MCPH1: variants seen among roughly 807,000 people sequenced by gnomAD.
MCPH1 encodes microcephalin.
MCPH1 carries 104 observed loss-of-function variants against 84.5 expected under a neutral mutation model. The observed-to-expected ratio is 1.23, with a 90% CI of 1.05 to 1.45. MCPH1 has a LOEUF of 1.45. Among genes scored for constraint, MCPH1 ranks in the 40% most tolerant of loss-of-function variants. The pLI, the probability that MCPH1 is intolerant of heterozygous loss-of-function variation, is 0.00. For missense variants in MCPH1, 1,498 were observed against 1,005.7 expected, an observed-to-expected ratio of 1.49 and a Z score of -6.62; for synonymous variants, 514 against 366.8, an observed-to-expected ratio of 1.40 and a Z score of -4.58.
intron 9 of MCPH1, among the ~76,000 whole-genome samples, chr8:6,459,668 T>C (rs1291502180): frequency 6.6e-6 from 1 of 152,208 alleles, no homozygotes; most frequent in South Asian, 2.1e-4. Flanking sequence ...ACATGCTATT[T>C]CTGTAGTGAG....
intron 13 of MCPH1, chr8:6,627,361 G>A: frequency 1.1e-6 from 1 of 899,766 alleles, no homozygotes; most frequent in Non-Finnish European, 1.3e-6. Context: ...CCCCCTTCCA[G>A]CCCCTCTCCT....
chr8:6,626,325 A>G, intron 13 of MCPH1: 2 of 985,226 alleles, frequency 2.0e-6, no homozygotes, highest in Non-Finnish European at 2.4e-6. Flanking sequence ...GTTGCCTAAT[A>G]ACGGGGTTAT....
intron 12 of MCPH1, chr8:6,532,439 G>A: frequency 6.2e-7 from 1 of 1,613,912 alleles, no homozygotes; most frequent in Non-Finnish European, 8.5e-7. Context: ...GCATTCTGCT[G>A]TATCTCTACC....
At position 6,445,440 on chromosome 8, in the gene MCPH1, C is replaced by A; in HGVS notation, c.1718C>A (p.Ser573Tyr). 1 of 1,614,244 alleles carries A rather than the reference C, an allele frequency of 6.2e-7. No individual in the cohort carries two copies. The highest frequency in any genetic ancestry group is 8.5e-7 in the Non-Finnish European group (1 of 1,180,048). The change falls in exon 8 of 14, where the codon TCC becomes TAC. Residue 573 changes from serine to tyrosine, a missense_variant. Coordinates refer to ENST00000344683, the MANE Select transcript of MCPH1 (RefSeq NM_024596.5). ...NKGTTSKISNSSEGEAQSEHE... is the reference protein window; with the variant it reads ...NKGTTSKISNYSEGEAQSEHE... ...GGTACCACTTCCAAAATATCAAACT[C>A]CTCTGAAGGCGAAGCCCAGAGTGAA...
At chr8:6,549,855 T>A (rs1823304340) in intron 12 of MCPH1, among the ~76,000 whole-genome samples, 1 of 152,200 alleles carries the variant, frequency 6.6e-6, no homozygotes, top group South Asian at 2.1e-4. Context: ...TTTGTGAATT[T>A]TATTCTGTGT....
intron 3 of MCPH1, among the ~76,000 whole-genome samples, chr8:6,424,289 A>G (rs1800716254): frequency 6.6e-6 from 1 of 152,166 alleles, no homozygotes; most frequent in South Asian, 2.1e-4. Context: ...AACAACTGCA[A>G]ACTAACAGCT....
At chr8:6,477,568 T>C (rs764262979) in intron 9 of MCPH1, 26 bp from the exon 10 acceptor site, 9 of 1,607,170 alleles carry the variant, frequency 5.6e-6, no homozygotes, top group Non-Finnish European at 6.8e-6. Context: ...GACTGTTTTT[T>C]GTTCCTTCTT....
intron 2 of MCPH1, among the ~76,000 whole-genome samples, chr8:6,413,152 T>G (rs1250560040): frequency 6.6e-6 from 1 of 152,242 alleles, no homozygotes; most frequent in Non-Finnish European, 1.5e-5. Context: ...CTGTTACCTT[T>G]GACTAATATT....
At chr8:6,601,612 C>T (rs958788711) in intron 12 of MCPH1, among the ~76,000 whole-genome samples, 12 of 149,784 alleles carry the variant, frequency 8.0e-5, no homozygotes, top group African/African-American at 2.9e-4. Flanking sequence ...ACACCATACA[C>T]ACCACCCACC....
At chr8:6,522,416 T>G (rs1817534389) in intron 12 of MCPH1, among the ~76,000 whole-genome samples, 1 of 151,800 alleles carries the variant, frequency 6.6e-6, no homozygotes, top group Non-Finnish European at 1.5e-5. Context: ...TAACAGTCAA[T>G]GAATGTTTGT....
At chr8:6,631,252 C>T (rs759272219) in intron 13 of MCPH1, among the ~76,000 whole-genome samples, 1 of 152,102 alleles carries the variant, frequency 6.6e-6, no homozygotes, top group Non-Finnish European at 1.5e-5. Context: ...ACATAACATG[C>T]AAGGTGGGCA....
chr8:6,424,735 C>G (rs1017332646), intron 3 of MCPH1, among the ~76,000 whole-genome samples: 1 of 152,214 alleles, frequency 6.6e-6, no homozygotes. Context: ...CCTCCAGTAG[C>G]TCCTGAGTTA....
intron 12 of MCPH1, among the ~76,000 whole-genome samples, chr8:6,598,287 C>A (rs1449530614): frequency 6.6e-6 from 1 of 152,168 alleles, no homozygotes; most frequent in African/African-American, 2.4e-5. Flanking sequence ...TAGGATGCAG[C>A]ACATGCCAAG....
At chr8:6,426,368 G>A (rs1801062199) in intron 3 of MCPH1, among the ~76,000 whole-genome samples, 3 of 152,056 alleles carry the variant, frequency 2.0e-5, no homozygotes, top group Admixed American at 2.0e-4. Context: ...CCCACCCCAG[G>A]GCAGCCACAG....
At chr8:6,409,734 G>GTCTGGAGCT (rs1798274482) in intron 2 of MCPH1, among the ~76,000 whole-genome samples, 1 of 152,262 alleles carries the variant, frequency 6.6e-6, no homozygotes, top group Non-Finnish European at 1.5e-5. Flanking sequence ...GGATATACAA[G>GTCTGGAGCT]TCTGGAGCTT....
intron 3 of MCPH1, among the ~76,000 whole-genome samples, chr8:6,417,978 G>T (rs540771654): frequency 6.6e-6 from 1 of 152,294 alleles, no homozygotes; most frequent in African/African-American, 2.4e-5. Context: ...AAAATGAAAC[G>T]CACACTGTCA....
At chr8:6,493,331 G>C (rs548239798) in intron 11 of MCPH1, among the ~76,000 whole-genome samples, 3 of 152,250 alleles carry the variant, frequency 2.0e-5, no homozygotes, top group African/African-American at 7.2e-5. Context: ...AGAATAAATT[G>C]AACTTAAATG....
chr8:6,509,158 C>T (rs1455906374), intron 12 of MCPH1: 18 of 1,478,492 alleles, frequency 1.2e-5, no homozygotes, highest in South Asian at 1.0e-4. Flanking sequence ...TCTACAGAAG[C>T]GTGTTCTGTA....
At chr8:6,617,038 G>C (rs1830866188) in intron 12 of MCPH1, 1 of 152,056 alleles carries the variant, frequency 6.6e-6, no homozygotes, top group Admixed American at 6.5e-5. Flanking sequence ...AAACGCGCTT[G>C]TCTGTGGGCA....
Sources: gnomAD v4.1 joint callset for allele counts (sites outside exome capture counted in the v4.1 genomes callset) on GRCh38, gnomAD v4.1.1 for gene constraint, MANE v1.5 for transcripts, NCBI Gene and HGNC (gene_info 2026-07-23, HGNC 2026-07-21) for gene names.